Variants in GSTA5 observed in about 807,000 individuals in gnomAD.
The protein encoded by GSTA5 is glutathione S-transferase A5.
GSTA5 carries 25 observed loss-of-function variants against 21.8 expected under a neutral mutation model. The observed-to-expected ratio is 1.14, with a 90% CI of 0.83 to 1.60. The LOEUF is 1.60. Among genes scored for constraint, GSTA5 ranks in the 40% most tolerant of loss-of-function variants. GSTA5 has a pLI of 0.00. For missense variants in GSTA5, 330 were observed against 259.2 expected (o/e 1.27, Z -1.88); for synonymous variants, 102 against 89.5 (o/e 1.14, Z -0.78).
At position 52,832,841 on chromosome 6, in the gene GSTA5, G is replaced by A. The variant is rs770921807; in HGVS notation, c.546+18C>T. 6.2e-7 allele frequency: 1 copy of A among 1,613,604 alleles called. No individual in the cohort carries two copies. Among genetic ancestry groups the A allele is most frequent in the East Asian group, 2.2e-5 (1 of 44,856 alleles). ...TAAGAGATGTGGGGCTGTCTCTCTG[G>A]GCTGTGAAATGGGTCACCTTCAGCA... On this transcript the variant is annotated intron_variant, in intron 5 of 5. Coordinates refer to ENST00000370989, the Ensembl canonical transcript of GSTA5.
chr6:52,833,012 A>T, intron 4 of GSTA5, 22 bp from the exon 5 acceptor site: 1 of 1,613,886 alleles, frequency 6.2e-7, no homozygotes, highest in South Asian at 1.1e-5. Flanking sequence ...GAGGAATCAG[A>T]TCAGGAACAC....
chr6:52,834,971 TAG>T (rs1037461749), intron 3 of GSTA5, among the ~76,000 whole-genome samples: 16 of 152,204 alleles, frequency 1.1e-4, no homozygotes, highest in Admixed American at 8.5e-4. Flanking sequence ...TGTGTCAAAC[TAG>T]AGTTTCACAA....
intron 1 of GSTA5, among the ~76,000 whole-genome samples, chr6:52,839,086 G>A (rs1425788950): frequency 6.6e-6 from 1 of 152,100 alleles, no homozygotes; most frequent in Admixed American, 6.5e-5. Flanking sequence ...GTGTGTGCCA[G>A]CAATTAATAA....
At chr6:52,834,864 T>A (rs577177763) in intron 3 of GSTA5, among the ~76,000 whole-genome samples, 2 of 152,288 alleles carry the variant, frequency 1.3e-5, no homozygotes, top group South Asian at 4.1e-4. Flanking sequence ...GTTGCCTAAC[T>A]CTAGCCATGT....
At chr6:52,837,922 G>T (rs1764315928) in intron 1 of GSTA5, among the ~76,000 whole-genome samples, 1 of 152,190 alleles carries the variant, frequency 6.6e-6, no homozygotes, top group Admixed American at 6.5e-5. Flanking sequence ...TCCTAGTTAT[G>T]GTGTTGTCAT....
At chr6:52,836,252 T>G (rs754006422) in exon 3 of GSTA5, 4 of 1,613,622 alleles carry the variant, frequency 2.5e-6, no homozygotes, top group Non-Finnish European at 3.4e-6. Flanking sequence ...CTCTCCTTCA[T>G]GTCTTTCCCA....
In GSTA5 at chr6:52,834,304, A is replaced by G. The variant is rs774266422; in HGVS notation, c.273-22T>C. 3 of 1,594,444 alleles carry G rather than the reference A, an allele frequency of 1.9e-6. No homozygotes were observed. In the South Asian group the frequency reaches 3.4e-5, roughly 18 times the overall value. On this transcript the variant is annotated intron_variant, in intron 3 of 5. Coordinates refer to ENST00000370989, the Ensembl canonical transcript of GSTA5. ...AATCCTGAAAGACAAAAACAACCAA[A>G]CCATCAAATGCCTTTTGCCTTAGAT...
In GSTA5 at chr6:52,834,268, G is replaced by A. The variant is rs143276278; in HGVS notation, c.287C>T (p.Thr96Ile). 375 of 1,613,452 alleles carry A rather than the reference G, an allele frequency of 2.3e-4. 2 individuals carry two copies. The highest frequency in any genetic ancestry group is 1.5e-3 in the South Asian group (139 of 90,914). ...TTCAGTCAAATCTACTATACCTTCT[G>A]TGTACATATCAATCCTGAAAGACAA... is the stretch of plus-strand genomic sequence containing the variant. The change falls in exon 4 of 6, where the codon ACA becomes ATA. Residue 96 changes from threonine (T) to isoleucine (I), a missense_variant. By Grantham distance (89) the Thr-to-Ile change is moderately conservative. Coordinates refer to ENST00000370989, the Ensembl canonical transcript of GSTA5.
intron 1 of GSTA5, among the ~76,000 whole-genome samples, chr6:52,837,969 C>T (rs1764316524): frequency 6.6e-6 from 1 of 152,206 alleles, no homozygotes; most frequent in Non-Finnish European, 1.5e-5. Flanking sequence ...AGAGATCAGA[C>T]CACAACCTTG....
At chr6:52,840,887 T>C, upstream of GSTA5, 4 of 1,361,022 alleles carry the variant, frequency 2.9e-6, no homozygotes, top group South Asian at 5.0e-5. Context: ...ATCAAAAATG[T>C]ACTTTAGGAT....
rs778139967 is a variant in GSTA5, at chr6:52,831,883, A to C, written c.634T>G (p.Ser212Ala). 45 of 1,614,016 alleles carry C rather than the reference A, an allele frequency of 2.8e-5. No homozygotes were observed. The South Asian group carries it at 4.6e-4, about 17-fold the overall frequency. Residue 212 changes from serine to alanine, a missense_variant, in exon 6 of 6, where the codon TCT (serine) becomes GCT (alanine). Physicochemically the swap from Ser to Ala is moderately conservative, Grantham distance 99 (BLOSUM62 1). Coordinates refer to ENST00000370989, the Ensembl canonical transcript of GSTA5. ...AAAATCTTCCTTGCTTCTTCTAAAG[A>C]TTTCTCATCCATGGGAGGCTTTCTC...
At chr6:52,836,920 A>G (rs1019512825) in intron 2 of GSTA5, among the ~76,000 whole-genome samples, 4 of 152,168 alleles carry the variant, frequency 2.6e-5, no homozygotes, top group Non-Finnish European at 5.9e-5. Context: ...CTCCAGATAC[A>G]TAGCAGGACT....
At chr6:52,839,181 A>T (rs535175441) in intron 1 of GSTA5, among the ~76,000 whole-genome samples, 1 of 152,228 alleles carries the variant, frequency 6.6e-6, no homozygotes, top group Non-Finnish European at 1.5e-5. Context: ...GGCAAGTGGG[A>T]TGTGAGGACT....
At chr6:52,833,096 A>G (rs1453346110) in intron 4 of GSTA5, 106 bp from the exon 5 acceptor site, 1 of 1,242,000 alleles carries the variant, frequency 8.1e-7, no homozygotes, top group Non-Finnish European at 1.2e-6. Flanking sequence ...CTGTTGCCTT[A>G]TTGCATGGGT....
chr6:52,837,309 A>C (rs1288218728), intron 2 of GSTA5, among the ~76,000 whole-genome samples: 1 of 152,192 alleles, frequency 6.6e-6, no homozygotes, highest in Non-Finnish European at 1.5e-5. Context: ...ATGAAAACAG[A>C]AAAAGGGCTT....
At chr6:52,844,334 G>A (rs533472072), upstream of GSTA5, among the ~76,000 whole-genome samples, 1 of 152,252 alleles carries the variant, frequency 6.6e-6, no homozygotes, top group East Asian at 1.9e-4. Context: ...GAGAGGGTGA[G>A]AGGGGAACAT....
upstream of GSTA5, among the ~76,000 whole-genome samples, chr6:52,843,641 C>T (rs1764414085): frequency 6.6e-6 from 1 of 152,176 alleles, no homozygotes; most frequent in South Asian, 2.1e-4. Flanking sequence ...ACTGAATCAA[C>T]TTACCTGTTC....
chr6:52,832,528 G>A (rs1764231430), intron 5 of GSTA5, among the ~76,000 whole-genome samples: 1 of 152,112 alleles, frequency 6.6e-6, no homozygotes, highest in African/African-American at 2.4e-5. Context: ...GGGAAGACAA[G>A]GGCACATGTG....
chr6:52,831,710 T>G (rs1193443195), exon 6 of GSTA5: 2 of 1,014,904 alleles, frequency 2.0e-6, no homozygotes, highest in African/African-American at 1.7e-5. Context: ...TAAGAGTTAT[T>G]TATTATTTAA....
Sources: allele counts gnomAD v4.1 joint callset (sites outside exome capture counted in the v4.1 genomes callset), GRCh38; gene constraint gnomAD v4.1.1; transcripts MANE v1.5; gene names NCBI Gene and HGNC (gene_info 2026-07-23, HGNC 2026-07-21).